The following DOCK8 variants were observed in gnomAD, a reference collection of about 807,000 sequenced individuals.
DOCK8 encodes the protein dedicator of cytokinesis protein 8.
In DOCK8, 141 loss-of-function variants were observed where a neutral mutation model predicts 245.6. That is an observed-to-expected ratio of 0.57 (90% CI 0.50 to 0.66). The LOEUF (loss-of-function observed/expected upper bound fraction) is 0.66, where lower values mean the gene tolerates loss of function less well. Ranked by LOEUF, DOCK8 falls within the 30% of genes least tolerant of loss-of-function variation. The probability of loss-of-function intolerance (pLI) is 0.00; values close to 1 mark genes in which losing one functional copy is unlikely to be tolerated. For synonymous variants in DOCK8, 1,168 were observed against 970.2 expected (o/e 1.20, Z -3.79); for missense variants, 2,965 against 2,603.4 (o/e 1.14, Z -3.02).
intron 18 of DOCK8, among the ~76,000 whole-genome samples, chr9:374,678 C>G (rs4446780): frequency 0.26 from 39,256 of 149,206 alleles, 5,480 homozygotes; most frequent in African/African-American, 0.34. Flanking sequence ...GCTGCTCAGG[C>G]TGGTCTCAAA....
Position 314,076 on chromosome 9 carries a change from C to T in DOCK8, c.741+1910C>T, listed in dbSNP as rs182146998. Among the ~76,000 whole-genome samples the T allele has an allele frequency of 4.4e-3, 676 of 152,292 alleles. 3 individuals are homozygous for T. The highest frequency in any genetic ancestry group is 0.014 in the Middle Eastern group (4 of 294). On this transcript the variant is annotated intron_variant, in intron 6 of 47. Coordinates refer to ENST00000432829, the MANE Select transcript of DOCK8 (RefSeq NM_203447.4). ...TTAAATTACAAAATGGGGCCCTAAC[C>T]CGCTAACTACAAAGTTCGTGTTCCC...
At chr9:280,705 C>G (rs923498411) in intron 2 of DOCK8, 1 of 152,188 alleles carries the variant, frequency 6.6e-6, no homozygotes. Context: ...AGTCCCTTCA[C>G]AGAAGCACCT....
chr9:367,512 T>TA (rs113407928), intron 14 of DOCK8, among the ~76,000 whole-genome samples: 15,174 of 152,146 alleles, frequency 0.1, 2,495 homozygotes, highest in African/African-American at 0.35. Context: ...TTGTTGTCGT[T>TA]TACAGTAATT....
At chr9:311,893 C>G in intron 5 of DOCK8, 61 bp from the exon 6 acceptor site, 2 of 1,593,992 alleles carry the variant, frequency 1.3e-6, no homozygotes, top group South Asian at 2.2e-5. Context: ...ATCCAAGATT[C>G]TTCGGTTCTC....
Position 434,861 on chromosome 9 carries a change from G to A in DOCK8, c.4965G>A (p.Lys1655=), listed in dbSNP as rs2056842136. 4 of 1,614,030 alleles carry A rather than the reference G, an allele frequency of 2.5e-6. No individual in the cohort carries two copies. The highest frequency in any genetic ancestry group is 3.3e-5 in the Admixed American group (2 of 60,010). Residue 1655 remains lysine, a synonymous_variant, in exon 39 of 48, where the codon AAG becomes AAA. Transcript: ENST00000432829. ...ACATGGCAGAGAAACACACCAAGAA[G>A]AAGTGCTACACGGAGGCTGCCATGT... ...LQNMAEKHTK[K]KCYTEAAMCL...
chr9:378,445 A>G (rs911886553), intron 20 of DOCK8, among the ~76,000 whole-genome samples: 8 of 152,232 alleles, frequency 5.3e-5, no homozygotes, highest in African/African-American at 1.9e-4. Flanking sequence ...AGGGAGGGGC[A>G]TGTCCCCTTA....
At chr9:428,258 ACCAC>A in intron 34 of DOCK8, 100 bp from the exon 35 acceptor site, 2 of 1,580,594 alleles carry the variant, frequency 1.3e-6, no homozygotes, top group Non-Finnish European at 1.7e-6. Context: ...CTTAAGACTC[ACCAC>A]TGGACATGGA....
chr9:214,656 C>A (rs773680004), upstream of DOCK8: 9 of 1,607,056 alleles, frequency 5.6e-6, no homozygotes, highest in Non-Finnish European at 7.6e-6. Context: ...GCGCTCCCTT[C>A]GGCCGGAGGT....
chr9:237,447 G>A (rs943150698), intron 1 of DOCK8, among the ~76,000 whole-genome samples: 1 of 152,228 alleles, frequency 6.6e-6, no homozygotes, highest in African/African-American at 2.4e-5. Context: ...TTCAGCTCAG[G>A]AGTTCAAGAC....
At position 255,673 on chromosome 9, in the gene DOCK8, A is replaced by T. The variant is rs60772235; in HGVS notation, c.54-15954A>T. On this transcript the variant is annotated intron_variant, in intron 1 of 47. Coordinates refer to ENST00000432829, the MANE Select transcript of DOCK8 (RefSeq NM_203447.4). ...ATAGAGCAAGACTCCATCTCCAAAA[A>T]AAAAAAAAAAAAAAAAAAAACAGCT... Among the ~76,000 whole-genome samples, 7 of 123,548 alleles carry T rather than the reference A, an allele frequency of 5.7e-5. 1 individual carries two copies. In the East Asian group the frequency reaches 1.1e-3, roughly 19 times the overall value. 81.1% of individuals were successfully genotyped at this position (123,548 alleles called of 152,430 possible).
intron 24 of DOCK8, among the ~76,000 whole-genome samples, chr9:394,000 T>G (rs2054323706): frequency 6.6e-6 from 1 of 151,812 alleles, no homozygotes; most frequent in East Asian, 1.9e-4. Flanking sequence ...CCTAGAAAAA[T>G]CTGGAGGCAG....
At position 434,489 on chromosome 9, in the gene DOCK8, G is replaced by A. The variant is rs1053688268; in HGVS notation, c.4887-294G>A. Among the ~76,000 whole-genome samples, 43 of 152,220 alleles carry A rather than the reference G, an allele frequency of 2.8e-4. 1 individual carries two copies. Among genetic ancestry groups the A allele is most frequent in the African/African-American group, 9.9e-4 (41 of 41,546 alleles). On this transcript the variant is annotated intron_variant, in intron 38 of 47. Coordinates refer to ENST00000432829, the MANE Select transcript of DOCK8 (RefSeq NM_203447.4). The stretch of plus-strand genomic sequence containing the variant: ...TTTGAGAGAAAGGAAAGAAAAGGCA[G>A]AAATTTGCCTGAGAGCCATTAAAAT...
chr9:276,255 C>T (rs1002647348), intron 2 of DOCK8, among the ~76,000 whole-genome samples: 2 of 152,148 alleles, frequency 1.3e-5, no homozygotes, highest in Non-Finnish European at 2.9e-5. Context: ...AAAGGTAACA[C>T]TTATTTTGCC....
chr9:307,334 TTTTG>T (rs1430926217), intron 5 of DOCK8, among the ~76,000 whole-genome samples: 16 of 30,826 alleles, frequency 5.2e-4, no homozygotes, highest in African/African-American at 1.2e-3. Context: ...GTGTGGTTTT[TTTTG>T]TTTTTTTTTT....
At chr9:285,733 T>G (rs1329444171) in intron 2 of DOCK8, among the ~76,000 whole-genome samples, 1 of 152,210 alleles carries the variant, frequency 6.6e-6, no homozygotes, top group Non-Finnish European at 1.5e-5. Flanking sequence ...TCCCCCTCTT[T>G]CCAACTGTGG....
At chr9:352,822 G>C (rs2131029796) in intron 14 of DOCK8, among the ~76,000 whole-genome samples, 1 of 152,156 alleles carries the variant, frequency 6.6e-6, no homozygotes, top group South Asian at 2.1e-4. Flanking sequence ...AGAATGGTCT[G>C]GGGATGCTAC....
chr9:282,672 G>A (rs1016703072), intron 2 of DOCK8, among the ~76,000 whole-genome samples: 5 of 151,906 alleles, frequency 3.3e-5, no homozygotes, highest in African/African-American at 9.7e-5. Flanking sequence ...ATCCTCCTGC[G>A]TTGGCCTCCC....
chr9:325,303 C>T (rs1351371547), intron 7 of DOCK8, among the ~76,000 whole-genome samples: 1 of 152,092 alleles, frequency 6.6e-6, no homozygotes, highest in East Asian at 1.9e-4. Context: ...GAAATGTGAA[C>T]AAGTCCATTA....
intron 40 of DOCK8, 114 bp downstream of exon 40, chr9:439,502 G>A (rs1289938173): frequency 3.5e-6 from 5 of 1,413,154 alleles, no homozygotes; most frequent in Non-Finnish European, 4.9e-6. Flanking sequence ...GAGGACACGT[G>A]CCAGGGTGTG....
Sources: allele counts gnomAD v4.1 joint callset (sites outside exome capture counted in the v4.1 genomes callset), GRCh38; gene constraint gnomAD v4.1.1; transcripts MANE v1.5; gene names NCBI Gene and HGNC (gene_info 2026-07-23, HGNC 2026-07-21).